Variants in CNTLN observed in about 807,000 individuals in gnomAD.
CNTLN encodes the protein centlein, centrosomal protein.
Under a neutral mutation model 180.0 loss-of-function variants are expected in CNTLN, and 212 were observed. The observed-to-expected ratio is 1.18, with a 90% CI of 1.05 to 1.32. CNTLN has a LOEUF of 1.32. Ranked by LOEUF, CNTLN falls within the 40% of genes most tolerant of loss-of-function variation. The probability of loss-of-function intolerance (pLI) is 0.00; values close to 1 mark genes in which losing one functional copy is unlikely to be tolerated. For synonymous variants in CNTLN, 722 were observed against 563.1 expected, an observed-to-expected ratio of 1.28 and a Z score of -3.99; for missense variants, 2,095 against 1,610.9, an observed-to-expected ratio of 1.30 and a Z score of -5.14.
intron 2 of CNTLN, among the ~76,000 whole-genome samples, chr9:17,164,547 C>G (rs1819930950): frequency 7.0e-6 from 1 of 143,326 alleles, no homozygotes; most frequent in South Asian, 2.3e-4. Context: ...TCACTGTGAC[C>G]TCTGCCTCCC....
intron 12 of CNTLN, among the ~76,000 whole-genome samples, chr9:17,347,787 A>G (rs1822030696): frequency 6.6e-6 from 1 of 152,080 alleles, no homozygotes; most frequent in African/African-American, 2.4e-5. Flanking sequence ...CACTTCCATT[A>G]GTTTACAGTT....
Position 17,279,007 on chromosome 9 carries a change from G to C in CNTLN, c.983+5141G>C, listed in dbSNP as rs148728134. Among the ~76,000 whole-genome samples, 784 of 151,860 alleles carry C rather than the reference G, an allele frequency of 5.2e-3. 5 individuals are homozygous for C. Among genetic ancestry groups the C allele is most frequent in the African/African-American group, 0.018 (726 of 41,416 alleles). On this transcript the variant is annotated intron_variant, in intron 6 of 25. Coordinates refer to ENST00000380647, the MANE Select transcript of CNTLN (RefSeq NM_017738.4). Reference sequence around the variant, plus strand: ...AAATTGAGGAGATTATTACATCTTAGATAATTATTTTTTCTCTATAAGGAA... The same window carrying C: ...AAATTGAGGAGATTATTACATCTTACATAATTATTTTTTCTCTATAAGGAA...
At chr9:17,366,513 T>C (rs1823831190) in intron 12 of CNTLN, 104 bp from the exon 13 acceptor site, 6 of 507,932 alleles carry the variant, frequency 1.2e-5, no homozygotes, top group Non-Finnish European at 1.7e-5. Flanking sequence ...AAAATATCTT[T>C]ACTGACTTTG....
chr9:17,340,575 C>T (rs369890815), intron 10 of CNTLN, among the ~76,000 whole-genome samples: 3 of 152,140 alleles, frequency 2.0e-5, no homozygotes, highest in African/African-American at 7.2e-5. Context: ...AGGAGTGAAA[C>T]TATCTTAATG....
At chr9:17,382,713 ATT>A in intron 13 of CNTLN, among the ~76,000 whole-genome samples, 1 of 152,146 alleles carries the variant, frequency 6.6e-6, no homozygotes, top group Non-Finnish European at 1.5e-5. Context: ...ACTACTTACA[ATT>A]GCTATCCAAT....
intron 3 of CNTLN, among the ~76,000 whole-genome samples, chr9:17,227,902 A>T (rs1824572391): frequency 6.6e-6 from 1 of 152,114 alleles, no homozygotes; most frequent in South Asian, 2.1e-4. Flanking sequence ...ACTCTAAAAT[A>T]GGTAAATGTT....
intron 2 of CNTLN, among the ~76,000 whole-genome samples, chr9:17,216,410 A>C (rs1823757630): frequency 6.6e-6 from 1 of 152,158 alleles, no homozygotes; most frequent in Non-Finnish European, 1.5e-5. Flanking sequence ...TTTGGTAATG[A>C]AAACTCAATT....
chr9:17,181,050 CG>C (rs1403848787), intron 2 of CNTLN, among the ~76,000 whole-genome samples: 1 of 152,066 alleles, frequency 6.6e-6, no homozygotes, highest in Non-Finnish European at 1.5e-5. Context: ...TTATTGTGTT[CG>C]GGTTTGTTCA....
intron 2 of CNTLN, among the ~76,000 whole-genome samples, chr9:17,218,327 C>T (rs1823901591): frequency 1.3e-5 from 2 of 151,832 alleles, no homozygotes; most frequent in Non-Finnish European, 2.9e-5. Context: ...ATTTTTATTC[C>T]ACATATTAAA....
At chr9:17,186,501 A>C (rs1286457617) in intron 2 of CNTLN, among the ~76,000 whole-genome samples, 2 of 152,196 alleles carry the variant, frequency 1.3e-5, no homozygotes, top group Non-Finnish European at 2.9e-5. Context: ...GAATATCTAC[A>C]TTGTATATGA....
At chr9:17,211,614 G>A (rs1282741974) in intron 2 of CNTLN, among the ~76,000 whole-genome samples, 5 of 152,042 alleles carry the variant, frequency 3.3e-5, no homozygotes, top group African/African-American at 1.2e-4. Flanking sequence ...AGCTTGATGG[G>A]GATGGCATTG....
intron 5 of CNTLN, among the ~76,000 whole-genome samples, chr9:17,252,212 C>G (rs936911253): frequency 6.6e-6 from 1 of 151,790 alleles, no homozygotes; most frequent in Non-Finnish European, 1.5e-5. Flanking sequence ...TTGCAGCAAC[C>G]TATCTCTTTG....
chr9:17,272,035 C>CT (rs1827984072), intron 5 of CNTLN, among the ~76,000 whole-genome samples: 1 of 145,520 alleles, frequency 6.9e-6, no homozygotes, highest in Admixed American at 6.9e-5. Flanking sequence ...CCCTTCCTTC[C>CT]TTTTTTCCTT....
chr9:17,430,575 G>A (rs1350475241), intron 18 of CNTLN, among the ~76,000 whole-genome samples: 1 of 151,886 alleles, frequency 6.6e-6, no homozygotes, highest in Non-Finnish European at 1.5e-5. Context: ...TTCTCTTACA[G>A]CTATTTTGAA....
chr9:17,259,978 A>G (rs1248753899), intron 5 of CNTLN, among the ~76,000 whole-genome samples: 5 of 137,414 alleles, frequency 3.6e-5, no homozygotes, highest in Non-Finnish European at 7.6e-5. Context: ...TATTTCCTTC[A>G]GTTCAGCTCT....
chr9:17,249,140 G>A (rs1181846831), intron 5 of CNTLN, among the ~76,000 whole-genome samples: 1 of 151,878 alleles, frequency 6.6e-6, no homozygotes, highest in African/African-American at 2.4e-5. Flanking sequence ...GGGTTCTTAA[G>A]TTACTAGGTT....
intron 23 of CNTLN, among the ~76,000 whole-genome samples, chr9:17,477,594 G>A (rs1832420721): frequency 6.6e-6 from 1 of 152,196 alleles, no homozygotes; most frequent in Admixed American, 6.5e-5. Context: ...CAAGACATTA[G>A]TGGAGGAAGA....
intron 14 of CNTLN, among the ~76,000 whole-genome samples, chr9:17,391,671 A>T (rs1826126865): frequency 6.6e-6 from 1 of 152,222 alleles, no homozygotes. Context: ...AACATAATTT[A>T]ATTGAAATAT....
At chr9:17,343,314 A>G (rs1821628992) in intron 12 of CNTLN, among the ~76,000 whole-genome samples, 1 of 152,200 alleles carries the variant, frequency 6.6e-6, no homozygotes, top group Non-Finnish European at 1.5e-5. Flanking sequence ...TCAAGCATAC[A>G]GTTTTTTAAA....
Sources: allele counts gnomAD v4.1 joint callset (sites outside exome capture counted in the v4.1 genomes callset), GRCh38; gene constraint gnomAD v4.1.1; transcripts MANE v1.5; gene names NCBI Gene and HGNC (gene_info 2026-07-23, HGNC 2026-07-21).